Variants in GRID2 observed in about 807,000 individuals in gnomAD.
GRID2 encodes the protein glutamate ionotropic receptor delta type subunit 2.
A neutral mutation model predicts 114.8 loss-of-function variants in GRID2; 33 were observed. That is an observed-to-expected ratio of 0.29 (90% CI 0.22 to 0.38). The LOEUF (loss-of-function observed/expected upper bound fraction) is 0.38, where lower values mean the gene tolerates loss of function less well. GRID2 is among the 10% of genes least tolerant of loss of function. The pLI is 1.00. For synonymous variants in GRID2, 505 were observed against 449.9 expected (o/e 1.12, Z -1.55); for missense variants, 1,184 against 1,257.7 (o/e 0.94, Z 0.89).
At chr4:93,481,106 G>T (rs925477628) in intron 11 of GRID2, among the ~76,000 whole-genome samples, 3 of 151,924 alleles carry the variant, frequency 2.0e-5, no homozygotes, top group Non-Finnish European at 4.4e-5. Flanking sequence ...ATACTATTTG[G>T]TGTAAACTTT....
At chr4:93,742,562 CTG>C (rs1467970651) in intron 14 of GRID2, among the ~76,000 whole-genome samples, 4 of 152,236 alleles carry the variant, frequency 2.6e-5, no homozygotes, top group Non-Finnish European at 5.9e-5. Context: ...CATGTGCTCA[CTG>C]TGTCTCTGCA....
At chr4:92,623,862 T>G (rs974711474) in intron 2 of GRID2, among the ~76,000 whole-genome samples, 1 of 151,754 alleles carries the variant, frequency 6.6e-6, no homozygotes, top group South Asian at 2.1e-4. Context: ...TCTATAAGAT[T>G]ATAATTTTTG....
chr4:93,533,537 C>CTTTTTTTTTTTTT (rs34014956), intron 13 of GRID2, among the ~76,000 whole-genome samples: 10 of 86,506 alleles, frequency 1.2e-4, no homozygotes, highest in South Asian at 4.7e-4. Context: ...CCACACCCAG[C>CTTTTTTTTTTTTT]TTTTTTTTTT....
At chr4:93,551,521 G>A (rs1293843816) in intron 13 of GRID2, among the ~76,000 whole-genome samples, 2 of 152,130 alleles carry the variant, frequency 1.3e-5, no homozygotes, top group African/African-American at 4.8e-5. Flanking sequence ...AGAAGAATAA[G>A]CAAGTTAGGA....
chr4:93,344,523 A>G (rs1010686018), intron 8 of GRID2, among the ~76,000 whole-genome samples: 2 of 151,530 alleles, frequency 1.3e-5, no homozygotes, highest in Non-Finnish European at 2.9e-5. Context: ...TGAAATGATT[A>G]AATCAAGCTA....
chr4:92,412,170 C>T lies in GRID2; in HGVS notation c.88+107426C>T, dbSNP rs376809407. ...TGTTCAATTGGCTCTTGTGAGTTAG[C>T]CTAGAAAAGTAATCATGGTTTATAC... is the stretch of plus-strand genomic sequence containing the variant. On this transcript the variant is annotated intron_variant, in intron 1 of 15. Coordinates refer to ENST00000282020, the MANE Select transcript of GRID2 (RefSeq NM_001510.4). 1.7e-3 allele frequency among the ~76,000 whole-genome samples: 251 copies of T among 151,556 alleles called. 2 individuals are homozygous for T. Among genetic ancestry groups the T allele is most frequent in the South Asian group, 0.012 (56 of 4,804 alleles).
chr4:93,120,044 T>C (rs1172514500), intron 4 of GRID2, among the ~76,000 whole-genome samples: 4 of 152,152 alleles, frequency 2.6e-5, no homozygotes, highest in Non-Finnish European at 5.9e-5. Context: ...AACCACAGTG[T>C]GATACCATCT....
chr4:93,051,140 A>C (rs1401106965), intron 2 of GRID2, among the ~76,000 whole-genome samples: 2 of 152,046 alleles, frequency 1.3e-5, no homozygotes, highest in Non-Finnish European at 2.9e-5. Context: ...CATTGCTAGT[A>C]ATAGTATGAT....
chr4:92,473,246 C>A (rs1333310166), intron 1 of GRID2, among the ~76,000 whole-genome samples: 1 of 152,028 alleles, frequency 6.6e-6, no homozygotes, highest in Non-Finnish European at 1.5e-5. Flanking sequence ...TACTTTATTG[C>A]TTTATTTGAC....
At chr4:92,309,661 G>A (rs1725596738) in intron 1 of GRID2, among the ~76,000 whole-genome samples, 1 of 151,778 alleles carries the variant, frequency 6.6e-6, no homozygotes, top group Non-Finnish European at 1.5e-5. Flanking sequence ...TATGATCCCT[G>A]TCTCTTATTC....
At chr4:93,710,925 C>T (rs1728426452) in intron 14 of GRID2, among the ~76,000 whole-genome samples, 1 of 152,086 alleles carries the variant, frequency 6.6e-6, no homozygotes, top group Non-Finnish European at 1.5e-5. Context: ...GGCCTAAGGG[C>T]TCTTCAGTCA....
chr4:92,812,029 C>T (rs957457905), intron 2 of GRID2, among the ~76,000 whole-genome samples: 1 of 152,094 alleles, frequency 6.6e-6, no homozygotes, highest in Non-Finnish European at 1.5e-5. Context: ...TTGCTCCCTA[C>T]AATATTCTAT....
intron 2 of GRID2, among the ~76,000 whole-genome samples, chr4:92,968,718 T>C (rs1031542095): frequency 8.6e-5 from 13 of 151,882 alleles, no homozygotes; most frequent in African/African-American, 2.9e-4. Flanking sequence ...AGGAACTTCA[T>C]GCCCATTAAT....
At position 93,395,687 on chromosome 4, in the gene GRID2, T is replaced by G. The variant is rs754776945; in HGVS notation, c.1326T>G (p.Val442=). The part of the protein sequence containing the change: ...KKLENNMRGV[V]LRVVTVLEEP... ...TGGAGAATAACATGCGTGGAGTGGT[T>G]CTACGTGTAGTAACTGTTCTGGTAA... Residue 442 remains valine, a synonymous_variant, in exon 9 of 16, where the codon GTT becomes GTG. Transcript: ENST00000282020. 2.6e-6 allele frequency: 4 copies of G among 1,537,376 alleles called. No individual in the cohort carries two copies. Among genetic ancestry groups the G allele is most frequent in the East Asian group, 2.2e-5 (1 of 44,474 alleles).
chr4:93,577,703 A>G (rs989940460), intron 13 of GRID2, among the ~76,000 whole-genome samples: 2 of 152,220 alleles, frequency 1.3e-5, no homozygotes, highest in African/African-American at 4.8e-5. Context: ...CATGAACCAA[A>G]TGTTTCCCTC....
intron 13 of GRID2, among the ~76,000 whole-genome samples, chr4:93,586,926 C>T (rs1737591313): frequency 6.6e-6 from 1 of 152,014 alleles, no homozygotes; most frequent in African/African-American, 2.4e-5. Flanking sequence ...TGGAAGAATA[C>T]ATTCAGGTTG....
intron 2 of GRID2, among the ~76,000 whole-genome samples, chr4:92,818,737 T>C (rs889986240): frequency 3.3e-5 from 5 of 152,166 alleles, no homozygotes; most frequent in African/African-American, 1.2e-4. Context: ...ATGTCTCTTC[T>C]GGGTGTGTGA....
intron 8 of GRID2, among the ~76,000 whole-genome samples, chr4:93,301,690 C>T (rs754217541): frequency 1.2e-4 from 18 of 152,002 alleles, no homozygotes; most frequent in Admixed American, 3.9e-4. Flanking sequence ...TTACATAATC[C>T]TACGTATTGT....
chr4:92,668,470 G>A (rs1268748635), intron 2 of GRID2, among the ~76,000 whole-genome samples: 1 of 151,608 alleles, frequency 6.6e-6, no homozygotes, highest in Non-Finnish European at 1.5e-5. Context: ...TCTAAGCTGA[G>A]AAGTAATATA....
Sources: gnomAD v4.1 joint callset for allele counts (sites outside exome capture counted in the v4.1 genomes callset) on GRCh38, gnomAD v4.1.1 for gene constraint, MANE v1.5 for transcripts, NCBI Gene and HGNC (gene_info 2026-07-23, HGNC 2026-07-21) for gene names.